Variants in ROCK1 observed in about 807,000 individuals in gnomAD.
The protein encoded by ROCK1 is rho-associated protein kinase 1.
Under a neutral mutation model 196.8 loss-of-function variants are expected in ROCK1, and 36 were observed. That is an observed-to-expected ratio of 0.18 (90% CI 0.14 to 0.24). The LOEUF (loss-of-function observed/expected upper bound fraction) is 0.24. ROCK1 is among the 10% of genes least tolerant of loss of function. The pLI, the probability that ROCK1 is intolerant of heterozygous loss-of-function variation, is 1.00. For synonymous variants in ROCK1, 443 were observed against 515.9 expected, an observed-to-expected ratio of 0.86 and a Z score of 1.91; for missense variants, 920 against 1,562.0, an observed-to-expected ratio of 0.59 and a Z score of 6.93.
chr18:20,983,220 T>C (rs1337150106), intron 20 of ROCK1, among the ~76,000 whole-genome samples: 3 of 147,176 alleles, frequency 2.0e-5, no homozygotes, highest in African/African-American at 7.6e-5. Flanking sequence ...GCATGAAAAA[T>C]TTAATAATAA....
At chr18:20,974,900 A>T (rs2035465351) in intron 22 of ROCK1, among the ~76,000 whole-genome samples, 1 of 152,204 alleles carries the variant, frequency 6.6e-6, no homozygotes, top group African/African-American at 2.4e-5. Flanking sequence ...TGTTAAAAAG[A>T]AAGTGCTCTC....
intron 12 of ROCK1, among the ~76,000 whole-genome samples, chr18:21,017,346 C>T (rs1202674262): frequency 6.6e-6 from 1 of 151,834 alleles, no homozygotes; most frequent in South Asian, 2.1e-4. Flanking sequence ...CGCCCGCCAC[C>T]GCGCCCAGCT....
chr18:21,108,559 T>C (rs1384819527), intron 1 of ROCK1, among the ~76,000 whole-genome samples: 1 of 152,188 alleles, frequency 6.6e-6, no homozygotes, highest in African/African-American at 2.4e-5. Context: ...TTTCCAAACC[T>C]GACTTTGCTA....
intron 23 of ROCK1, chr18:20,970,091 C>T (rs2035412327): frequency 6.7e-6 from 2 of 297,786 alleles, no homozygotes; most frequent in Non-Finnish European, 1.2e-5. Flanking sequence ...CTAATAAGAT[C>T]TACAGCCAGA....
intron 1 of ROCK1, among the ~76,000 whole-genome samples, chr18:21,102,669 C>G (rs1214100200): frequency 6.6e-6 from 1 of 152,120 alleles, no homozygotes; most frequent in African/African-American, 2.4e-5. Flanking sequence ...TTGAGACCAG[C>G]CTGGGCAACA....
chr18:21,086,033 T>C (rs1220188031), intron 1 of ROCK1, among the ~76,000 whole-genome samples: 1 of 152,114 alleles, frequency 6.6e-6, no homozygotes, highest in Non-Finnish European at 1.5e-5. Context: ...AAACGATTCT[T>C]TTAAGTATCT....
intron 9 of ROCK1, among the ~76,000 whole-genome samples, chr18:21,032,546 C>A (rs558549848): frequency 5.4e-5 from 8 of 148,222 alleles, no homozygotes; most frequent in African/African-American, 2.0e-4. Context: ...TCAAAAACAC[C>A]CAGGAGTGCA....
intron 6 of ROCK1, 46 bp from the exon 7 acceptor site, chr18:21,042,755 CA>C: frequency 6.5e-7 from 1 of 1,542,196 alleles, no homozygotes; most frequent in Non-Finnish European, 8.8e-7. Context: ...TATAAAGTCT[CA>C]ATTATTTAAA....
At chr18:21,033,574 G>A (rs1202687584) in intron 9 of ROCK1, among the ~76,000 whole-genome samples, 1 of 151,836 alleles carries the variant, frequency 6.6e-6, no homozygotes, top group Non-Finnish European at 1.5e-5. Flanking sequence ...TCCTATCATA[G>A]AAAACCCTAA....
intron 19 of ROCK1, among the ~76,000 whole-genome samples, 185 bp downstream of exon 19, chr18:20,986,765 T>A (rs2035581670): frequency 6.6e-6 from 1 of 152,170 alleles, no homozygotes; most frequent in Non-Finnish European, 1.5e-5. Flanking sequence ...GAGTGAATGT[T>A]CAATAACTAT....
At chr18:20,970,583 T>TA in intron 22 of ROCK1, 70 bp from the exon 23 acceptor site, 1 of 1,001,970 alleles carries the variant, frequency 1.0e-6, no homozygotes, top group Non-Finnish European at 1.5e-6. Context: ...ATCATATTCT[T>TA]AAAAACACAA....
At chr18:21,009,938 T>A (rs2035802608) in intron 13 of ROCK1, among the ~76,000 whole-genome samples, 1 of 152,190 alleles carries the variant, frequency 6.6e-6, no homozygotes, top group South Asian at 2.1e-4. Context: ...GTTGTGATAG[T>A]TTGATTTTTG....
chr18:21,100,654 T>C (rs1313600982), intron 1 of ROCK1, among the ~76,000 whole-genome samples: 1 of 152,002 alleles, frequency 6.6e-6, no homozygotes, highest in Non-Finnish European at 1.5e-5. Flanking sequence ...TTGTGACTCA[T>C]ATGGATCATA....
At chr18:21,058,152 G>A (rs1390335488) in intron 2 of ROCK1, among the ~76,000 whole-genome samples, 3 of 151,740 alleles carry the variant, frequency 2.0e-5, no homozygotes, top group Non-Finnish European at 2.9e-5. Context: ...TTTTTTAAAG[G>A]CCAGAAGAAA....
Position 20,950,525 on chromosome 18 carries a change from CTTA to C in ROCK1, c.*856_*858del, listed in dbSNP as rs1342275543. The C allele has an allele frequency of 2.6e-5, 4 of 152,018 alleles. No homozygotes were observed. Among genetic ancestry groups the C allele is most frequent in the Non-Finnish European group, 5.9e-5 (4 of 67,884 alleles). The allele number at this position is 152,018 out of a possible 1,614,324, so 9.4% of individuals were successfully genotyped here. A position where few individuals can be genotyped will look rare whatever the true frequency, so the allele number is the denominator to read the frequency against. On this transcript the variant is annotated 3_prime_UTR_variant, in exon 33 of 33. Transcript: ENST00000399799. ...TACATTTCAAACAGTGCATACATTT[CTTA>C]TATGTTTGTTAACTTAATGTCTTTA...
intron 9 of ROCK1, among the ~76,000 whole-genome samples, chr18:21,030,067 T>C (rs964759498): frequency 6.6e-5 from 10 of 152,184 alleles, no homozygotes; most frequent in Admixed American, 4.6e-4. Flanking sequence ...GAAGCTGTAG[T>C]ACTAACAGTA....
intron 6 of ROCK1, among the ~76,000 whole-genome samples, chr18:21,043,422 A>G (rs2036124992): frequency 6.6e-6 from 1 of 151,898 alleles, no homozygotes; most frequent in Non-Finnish European, 1.5e-5. Flanking sequence ...TTCATACAGA[A>G]GTTCTCATGC....
At chr18:21,096,564 GA>G (rs1270621658) in intron 1 of ROCK1, among the ~76,000 whole-genome samples, 1 of 152,156 alleles carries the variant, frequency 6.6e-6, no homozygotes, top group Non-Finnish European at 1.5e-5. Context: ...CTAATTCAGA[GA>G]AAGAAAGGGA....
At chr18:21,050,855 G>A (rs908633277) in intron 2 of ROCK1, among the ~76,000 whole-genome samples, 7 of 152,082 alleles carry the variant, frequency 4.6e-5, no homozygotes, top group African/African-American at 1.2e-4. Context: ...CAATTAATTC[G>A]CTGCACAAAT....
Sources: gnomAD v4.1 joint callset for allele counts (sites outside exome capture counted in the v4.1 genomes callset) on GRCh38, gnomAD v4.1.1 for gene constraint, MANE v1.5 for transcripts, NCBI Gene and HGNC (gene_info 2026-07-23, HGNC 2026-07-21) for gene names.